Variants in SNTB1 observed in about 807,000 individuals in gnomAD.
SNTB1 encodes syntrophin beta 1, also known as beta-1-syntrophin.
In SNTB1, 36 loss-of-function variants were observed where a neutral mutation model predicts 48.9. The ratio of observed to expected loss-of-function variants is 0.74; its 90% confidence interval spans 0.56 to 0.97. The LOEUF is 0.97. Among genes scored for constraint, SNTB1 ranks in the 50% least tolerant of loss-of-function variants. SNTB1 has a pLI of 0.00. For synonymous variants in SNTB1, 299 were observed against 294.6 expected, an observed-to-expected ratio of 1.01 and a Z score of -0.15; for missense variants, 786 against 703.4, an observed-to-expected ratio of 1.12 and a Z score of -1.33.
At chr8:120,782,281 T>A (rs1819841812) in intron 1 of SNTB1, among the ~76,000 whole-genome samples, 1 of 152,174 alleles carries the variant, frequency 6.6e-6, no homozygotes, top group Non-Finnish European at 1.5e-5. Context: ...TCAAATGCAG[T>A]CACCTTTTGA....
At chr8:120,601,009 C>T (rs1375324057) in intron 3 of SNTB1, among the ~76,000 whole-genome samples, 1 of 152,154 alleles carries the variant, frequency 6.6e-6, no homozygotes, top group African/African-American at 2.4e-5. Flanking sequence ...CACTTCCCCA[C>T]ACTCATGTAG....
intron 3 of SNTB1, among the ~76,000 whole-genome samples, chr8:120,599,410 TA>T (rs112833538): frequency 1.3e-5 from 2 of 152,410 alleles, no homozygotes; most frequent in East Asian, 1.9e-4. Flanking sequence ...CAGATTTTTT[TA>T]AAATATTTCT....
chr8:120,740,677 A>G (rs930524807), intron 1 of SNTB1, among the ~76,000 whole-genome samples: 1 of 152,194 alleles, frequency 6.6e-6, no homozygotes, highest in South Asian at 2.1e-4. Context: ...CCAAATGGAA[A>G]AACTGATTTA....
At chr8:120,673,642 G>A (rs150422057) in intron 2 of SNTB1, among the ~76,000 whole-genome samples, 98 of 151,912 alleles carry the variant, frequency 6.5e-4, no homozygotes, top group African/African-American at 2.3e-3. Context: ...GATGGACAAC[G>A]GAGCAGCAAA....
chr8:120,762,651 C>A (rs1012469814), intron 1 of SNTB1, among the ~76,000 whole-genome samples: 12 of 152,010 alleles, frequency 7.9e-5, no homozygotes, highest in Non-Finnish European at 1.6e-4. Context: ...TGCTTTGGGG[C>A]CTTATTGATT....
At chr8:120,664,595 C>T (rs891077388) in intron 2 of SNTB1, among the ~76,000 whole-genome samples, 2 of 152,182 alleles carry the variant, frequency 1.3e-5, no homozygotes, top group African/African-American at 4.8e-5. Flanking sequence ...CATGTTGTAG[C>T]ATGTATCAAT....
At chr8:120,647,671 G>A (rs1182616549) in intron 2 of SNTB1, among the ~76,000 whole-genome samples, 3 of 126,642 alleles carry the variant, frequency 2.4e-5, no homozygotes, top group South Asian at 3.1e-4. Context: ...TTCTGTAGAT[G>A]TCTATTAGGT....
At chr8:120,582,811 C>A (rs559443598) in intron 3 of SNTB1, among the ~76,000 whole-genome samples, 3 of 151,852 alleles carry the variant, frequency 2.0e-5, no homozygotes, top group Non-Finnish European at 2.9e-5. Flanking sequence ...CTAATGCATG[C>A]GGGGCTTAAA....
At chr8:120,799,949 C>T (rs954526729) in intron 1 of SNTB1, among the ~76,000 whole-genome samples, 1 of 152,078 alleles carries the variant, frequency 6.6e-6, no homozygotes, top group Admixed American at 6.6e-5. Flanking sequence ...CTGTTCCATA[C>T]TAATTTTCAT....
intron 3 of SNTB1, among the ~76,000 whole-genome samples, chr8:120,605,600 T>C (rs897033995): frequency 6.6e-6 from 1 of 152,166 alleles, no homozygotes; most frequent in Non-Finnish European, 1.5e-5. Flanking sequence ...AGGTGTCCAG[T>C]AGATGTTTGC....
chr8:120,644,624 C>G (rs970410606), intron 2 of SNTB1, among the ~76,000 whole-genome samples: 1 of 151,982 alleles, frequency 6.6e-6, no homozygotes, highest in Non-Finnish European at 1.5e-5. Flanking sequence ...AATAAACATG[C>G]GTGTGCATGT....
intron 2 of SNTB1, among the ~76,000 whole-genome samples, chr8:120,641,988 A>T (rs1383092251): frequency 1.3e-5 from 2 of 152,220 alleles, no homozygotes; most frequent in Non-Finnish European, 1.5e-5. Flanking sequence ...TTCTCAAGGC[A>T]TGGCCACAGA....
At chr8:120,656,248 C>G (rs1428270686) in intron 2 of SNTB1, among the ~76,000 whole-genome samples, 1 of 152,138 alleles carries the variant, frequency 6.6e-6, no homozygotes, top group Non-Finnish European at 1.5e-5. Flanking sequence ...AAGAGGTGTT[C>G]TGCTATTTTT....
rs576669486 is a variant in SNTB1 at position 120,541,746 on chromosome 8, C to A, written c.1524+64G>T. 5.1e-5 allele frequency: 62 copies of A among 1,224,406 alleles called. No homozygotes were observed. The East Asian group carries it at 1.4e-3, about 27-fold the overall frequency. The allele number at this position is 1,224,406 out of a possible 1,614,324, so 75.8% of individuals were successfully genotyped here. ...CAAATGCCGAATAAGAGTAAGGCAGCATTATGTTGCATAATGAAATATTAA... is the reference window on the plus strand; with the variant it reads ...CAAATGCCGAATAAGAGTAAGGCAGAATTATGTTGCATAATGAAATATTAA... On this transcript the variant is annotated intron_variant, in intron 6 of 6. Transcript: ENST00000517992.
chr8:120,811,727 C>A lies in SNTB1; in HGVS notation c.117G>T (p.Val39=). The A allele has an allele frequency of 6.4e-7, 1 of 1,565,368 alleles. No individual in the cohort carries two copies. Among genetic ancestry groups the A allele is most frequent in the Non-Finnish European group, 8.6e-7 (1 of 1,160,482 alleles). ...GAACCAGGGCGTCCTCGCTCAAGTT[C>A]ACCAGAACTTTGTGCCAGCGATCCC... ...LVRDRWHKVL[V]NLSEDALVLS... Residue 39 remains valine (V), a synonymous_variant, in exon 1 of 7, where the codon GTG becomes GTT. Coordinates refer to ENST00000517992, the MANE Select transcript of SNTB1 (RefSeq NM_021021.4).
intron 1 of SNTB1, among the ~76,000 whole-genome samples, chr8:120,721,523 C>A (rs946976422): frequency 6.6e-6 from 1 of 152,136 alleles, no homozygotes; most frequent in Admixed American, 6.6e-5. Context: ...AAAATTGCTG[C>A]CTAGTTGAAT....
intron 3 of SNTB1, among the ~76,000 whole-genome samples, chr8:120,600,906 AGCCTT>A (rs1212587207): frequency 1.3e-5 from 2 of 152,024 alleles, no homozygotes; most frequent in Non-Finnish European, 2.9e-5. Context: ...AGTCCAGCCC[AGCCTT>A]GCTCATCTTG....
chr8:120,567,512 C>T (rs1815773396), intron 4 of SNTB1, among the ~76,000 whole-genome samples: 1 of 151,514 alleles, frequency 6.6e-6, no homozygotes, highest in South Asian at 2.1e-4. Context: ...CCTTGATCTC[C>T]TGGGATCAAG....
rs547572286 is a variant in SNTB1, at chr8:120,699,226, T to C, written c.572-5318A>G. 1.5e-4 allele frequency among the ~76,000 whole-genome samples: 23 copies of C among 152,306 alleles called. 1 individual carries two copies. The South Asian group carries it at 4.8e-3, about 32-fold the overall frequency. ...CCATCCTTCTTGCTTTAAGGCCACT[T>C]TTCAGATATTGACACGCTATTTCTG... is the stretch of plus-strand genomic sequence containing the variant. On this transcript the variant is annotated intron_variant, in intron 1 of 6. Transcript: ENST00000517992.
Sources: allele counts gnomAD v4.1 joint callset (sites outside exome capture counted in the v4.1 genomes callset), GRCh38; gene constraint gnomAD v4.1.1; transcripts MANE v1.5; gene names NCBI Gene and HGNC (gene_info 2026-07-23, HGNC 2026-07-21).